Variants in TMEM150A observed in about 807,000 individuals in gnomAD.
TMEM150A encodes the protein fasting-inducible integral membrane protein TM6P1.
In TMEM150A, 18 loss-of-function variants were observed where a neutral mutation model predicts 29.8. The observed-to-expected ratio is 0.60, with a 90% CI of 0.42 to 0.90. The LOEUF is 0.90. Among genes scored for constraint, TMEM150A ranks in the 40% least tolerant of loss-of-function variants. The pLI is 0.00. For missense variants in TMEM150A, 251 were observed against 349.7 expected (o/e 0.72, Z 2.25); for synonymous variants, 127 against 143.6 (o/e 0.88, Z 0.83).
Position 85,601,483 on chromosome 2 carries a change from C to G in TMEM150A, c.66-1G>C. 1 of 1,612,458 alleles carries G rather than the reference C, an allele frequency of 6.2e-7. No individual in the cohort carries two copies. Among genetic ancestry groups the G allele is most frequent in the Non-Finnish European group, 8.5e-7 (1 of 1,179,774 alleles). Reference sequence around the variant, plus strand: ...GTGGTTCATCACAGCCATGGCATACCTGTGGGAACAGAACTGTCACCCTGG... The same window carrying G: ...GTGGTTCATCACAGCCATGGCATACGTGTGGGAACAGAACTGTCACCCTGG... On this transcript the variant is annotated splice_acceptor_variant, in intron 2 of 7. Coordinates refer to ENST00000334462, the MANE Select transcript of TMEM150A (RefSeq NM_001031738.3). LOFTEE classifies it high-confidence loss of function. The surrounding 1 kb of genome is among the most constrained non-coding windows in gnomAD (Gnocchi z 4.0).
Position 85,599,828 on chromosome 2 carries a change from C to G in TMEM150A, c.396+63G>C. The G allele has an allele frequency of 8.1e-6, 13 of 1,610,602 alleles. No individual in the cohort carries two copies. In the South Asian group the frequency reaches 1.3e-4, roughly 16 times the overall value. ...TTCCAGCCCCAACCTTGAGGTGCCA[C>G]ACTGCAGGCAGCCAGGCCTTGTTAG... On this transcript the variant is annotated intron_variant, in intron 6 of 7. Transcript: ENST00000334462. The surrounding 1 kb of genome is among the most constrained non-coding windows in gnomAD (Gnocchi z 6.0).
intron 4 of TMEM150A, chr2:85,600,749 A>G: frequency 9.1e-6 from 5 of 551,924 alleles, no homozygotes; most frequent in Non-Finnish European, 1.6e-5. Context: ...TCCGCTTATT[A>G]GCTGTGTGAC....
intron 4 of TMEM150A, 122 bp downstream of exon 4, chr2:85,600,899 T>G: frequency 3.7e-6 from 3 of 809,166 alleles, no homozygotes; most frequent in Non-Finnish European, 3.9e-6. Context: ...TGTCAAGTAG[T>G]GTTGTTATTA....
rs1189771550 is a variant in TMEM150A, at chr2:85,601,311, G to A, written c.113+124C>T. ...TAGGTGGCAAGAAGCCATGCCTGGGGACCAATTTCAGAGAAGAGCAGTGAG... is the reference window on the plus strand; with the variant it reads ...TAGGTGGCAAGAAGCCATGCCTGGGAACCAATTTCAGAGAAGAGCAGTGAG... On this transcript the variant is annotated intron_variant, in intron 3 of 7. Coordinates refer to ENST00000334462, the MANE Select transcript of TMEM150A (RefSeq NM_001031738.3). This position sits in a 1 kb window ranked among gnomAD's most constrained non-coding sequence, Gnocchi z 4.0. The A allele has an allele frequency of 3.0e-6, 4 of 1,348,808 alleles. No individual in the cohort carries two copies. The highest frequency in any genetic ancestry group is 4.3e-6 in the Non-Finnish European group (4 of 939,304). The allele number at this position is 1,348,808 out of a possible 1,614,324, so 83.6% of individuals were successfully genotyped here. A position where few individuals can be genotyped will look rare whatever the true frequency, so the allele number is the denominator to read the frequency against.
At chr2:85,600,075 CCTGTCAGCTTCCCCCAGA>C in intron 5 of TMEM150A, 57 bp from the exon 6 acceptor site, 1 of 1,598,504 alleles carries the variant, frequency 6.3e-7, no homozygotes, top group African/African-American at 1.3e-5. Context: ...GCCCAGCGAG[CCTGTCAGCTTCCCCCAGA>C]CGCTGTGGTG....
At position 85,600,273 on chromosome 2, in the gene TMEM150A, G is replaced by A; in HGVS notation, c.268+72C>T. On this transcript the variant is annotated intron_variant, in intron 5 of 7. Coordinates refer to ENST00000334462, the MANE Select transcript of TMEM150A (RefSeq NM_001031738.3). ...CTTGGTGGGGAGGGCTGCACAGAAG[G>A]GCTTCCTGGGCCTTTCTGTGTGGGG... is the stretch of plus-strand genomic sequence containing the variant. The A allele has an allele frequency of 1.9e-6, 3 of 1,564,646 alleles. No homozygotes were observed. The South Asian group carries it at 3.3e-5, about 17-fold the overall frequency.
At position 85,602,292 on chromosome 2, in the gene TMEM150A, T is replaced by C; in HGVS notation, c.-116-228A>G. The stretch of plus-strand genomic sequence containing the variant: ...GCGGACCGTAACATCTGGAAGGGAG[T>C]TACCCTCCTTCTGAGGGACCAGGGC... On this transcript the variant is annotated intron_variant, in intron 1 of 7. Transcript: ENST00000334462. This position sits in a 1 kb window ranked among gnomAD's most constrained non-coding sequence, Gnocchi z 5.6. The C allele has an allele frequency of 4.2e-6, 1 of 240,548 alleles. No homozygotes were observed. The highest frequency in any genetic ancestry group is 1.1e-4 in the East Asian group (1 of 9,174). 14.9% of individuals were successfully genotyped at this position (240,548 alleles called of 1,614,324 possible). A position where few individuals can be genotyped will look rare whatever the true frequency, so the allele number is the denominator to read the frequency against.
In TMEM150A at chr2:85,599,226, A is replaced by G. The variant is rs1378545152; in HGVS notation, c.666T>C (p.Tyr222=). 1.2e-6 allele frequency: 2 copies of G among 1,613,916 alleles called. No homozygotes were observed. Among genetic ancestry groups the G allele is most frequent in the Non-Finnish European group, 1.7e-6 (2 of 1,180,028 alleles). Residue 222 remains tyrosine, a synonymous_variant, in exon 8 of 8, where the codon TAT becomes TAC. Transcript: ENST00000334462. This position sits in a 1 kb window ranked among gnomAD's most constrained non-coding sequence, Gnocchi z 6.0. ...CCCCAAACTCGTAGCTGAAGGTGCC[A>G]TAGAAAATGAGGATATCGATGACAC... ...WVCVIDILIF[Y]GTFSYEFGAV...
In TMEM150A at chr2:85,601,186, G is replaced by T; in HGVS notation, c.114-79C>A. ...GGCCTATAGCCTCAGGCCTCAAAGAGGACTCTCTCCCAGACCTCCCCTACA... is the reference window on the plus strand; with the variant it reads ...GGCCTATAGCCTCAGGCCTCAAAGATGACTCTCTCCCAGACCTCCCCTACA... On this transcript the variant is annotated intron_variant, in intron 3 of 7. Transcript: ENST00000334462. This position sits in a 1 kb window ranked among gnomAD's most constrained non-coding sequence, Gnocchi z 4.0. 6.8e-7 allele frequency: 1 copy of T among 1,461,162 alleles called. No homozygotes were observed. The highest frequency in any genetic ancestry group is 1.2e-5 in the South Asian group (1 of 85,900). 90.5% of individuals were successfully genotyped at this position (1,461,162 alleles called of 1,614,324 possible). A position where few individuals can be genotyped will look rare whatever the true frequency, so the allele number is the denominator to read the frequency against.
rs1431790330 is a variant in TMEM150A at position 85,598,745 on chromosome 2, G to A, written c.*331C>T. 3 of 318,876 alleles carry A rather than the reference G, an allele frequency of 9.4e-6. No individual in the cohort carries two copies. In the East Asian group the frequency reaches 2.1e-4, roughly 22 times the overall value. The allele number at this position is 318,876 out of a possible 1,614,324, so 19.8% of individuals were successfully genotyped here. Reference sequence around the variant, plus strand: ...ACTTCTATCCCCTCTGCTGTTCCCAGCCCCCAATTCCTGCAGCAGGAAACC... The same window carrying A: ...ACTTCTATCCCCTCTGCTGTTCCCAACCCCCAATTCCTGCAGCAGGAAACC... On this transcript the variant is annotated 3_prime_UTR_variant, in exon 8 of 8. Transcript: ENST00000334462.
chr2:85,599,006 T>C lies in TMEM150A; in HGVS notation c.*70A>G, dbSNP rs2104075655. ...AATACTTTCTCAAAATTGTTTTTGG[T>C]ACGAAATAAATGGAAAGAAGATATG... On this transcript the variant is annotated 3_prime_UTR_variant, in exon 8 of 8. Coordinates refer to ENST00000334462, the MANE Select transcript of TMEM150A (RefSeq NM_001031738.3). The surrounding 1 kb of genome is among the most constrained non-coding windows in gnomAD (Gnocchi z 6.0). 6.4e-7 allele frequency: 1 copy of C among 1,568,364 alleles called. No homozygotes were observed. Among genetic ancestry groups the C allele is most frequent in the Non-Finnish European group, 8.7e-7 (1 of 1,155,504 alleles).
rs887634026 is a variant in TMEM150A, at chr2:85,599,919, G to A, written c.368C>T (p.Ala123Val). Residue 123 changes from alanine to valine, a missense_variant, in exon 6 of 8, where the codon GCG becomes GTG. By Grantham distance (64) the Ala-to-Val change is moderately conservative. Coordinates refer to ENST00000334462, the MANE Select transcript of TMEM150A (RefSeq NM_001031738.3). The surrounding 1 kb of genome is among the most constrained non-coding windows in gnomAD (Gnocchi z 6.0). The stretch of plus-strand genomic sequence containing the variant: ...AAAGTTGCCAACCACCAAGAGGCCC[G>A]CAGCGTTGGTGCAGCCTGTGATGAG... ...TALITGCTNA[A>V]GLLVVGNFQV... 3.7e-6 allele frequency: 6 copies of A among 1,613,348 alleles called. No homozygotes were observed. The Admixed American group carries it at 5.0e-5, about 13-fold the overall frequency.
rs547195162 is a variant in TMEM150A, at chr2:85,600,747, T to C, written c.200+274A>G. 1.3e-5 allele frequency: 7 copies of C among 552,086 alleles called. 1 individual carries two copies. In the South Asian group the frequency reaches 1.6e-4, roughly 13 times the overall value. The allele number at this position is 552,086 out of a possible 1,614,324, so 34.2% of individuals were successfully genotyped here. The stretch of plus-strand genomic sequence containing the variant: ...GCTTAAATCCAGGTGCCTCCGCTTA[T>C]TAGCTGTGTGACCTGGATGAGGAAG... On this transcript the variant is annotated intron_variant, in intron 4 of 7. Coordinates refer to ENST00000334462, the MANE Select transcript of TMEM150A (RefSeq NM_001031738.3).
In TMEM150A at chr2:85,601,933, G is replaced by T. The variant is rs977232949; in HGVS notation, c.16C>A (p.Leu6Ile). ...AACGCTGACAGGCTGACAGGCAGGAGGATCCAGGCGGTCATGAGGGAGGGG... is the reference window on the plus strand; with the variant it reads ...AACGCTGACAGGCTGACAGGCAGGATGATCCAGGCGGTCATGAGGGAGGGG... MTAWI[L>I]LPVSLSAFSI... The change falls in exon 2 of 8, where the codon CTC becomes ATC. Residue 6 changes from leucine (L) to isoleucine (I), a missense_variant. Transcript: ENST00000334462. The surrounding 1 kb of genome is among the most constrained non-coding windows in gnomAD (Gnocchi z 4.0). The T allele has an allele frequency of 3.7e-6, 6 of 1,613,996 alleles. No individual in the cohort carries two copies. Among genetic ancestry groups the T allele is most frequent in the Non-Finnish European group, 8.5e-7 (1 of 1,179,986 alleles).
chr2:85,600,246 C>T, intron 5 of TMEM150A, 99 bp downstream of exon 5: 1 of 1,457,996 alleles, frequency 6.9e-7, no homozygotes, highest in Non-Finnish European at 9.5e-7. Context: ...ATTGCCTTAG[C>T]CCTTGGTGGG....
At position 85,598,721 on chromosome 2, in the gene TMEM150A, C is replaced by T. The variant is rs1672757944; in HGVS notation, c.*355G>A. ...GCGTGCCCACTCCACCTCCACCAGA[C>T]TTCTATCCCCTCTGCTGTTCCCAGC... On this transcript the variant is annotated 3_prime_UTR_variant, in exon 8 of 8. Coordinates refer to ENST00000334462, the MANE Select transcript of TMEM150A (RefSeq NM_001031738.3). 1 of 280,948 alleles carries T rather than the reference C, an allele frequency of 3.6e-6. No individual in the cohort carries two copies. The highest frequency in any genetic ancestry group is 4.6e-5 in the Admixed American group (1 of 21,834). The allele number at this position is 280,948 out of a possible 1,614,324, so 17.4% of individuals were successfully genotyped here. A position where few individuals can be genotyped will look rare whatever the true frequency, so the allele number is the denominator to read the frequency against.
In TMEM150A at chr2:85,599,239, A is replaced by G. The variant is rs746891337; in HGVS notation, c.653T>C (p.Ile218Thr). ...GCTGAAGGTGCCATAGAAAATGAGG[A>G]TATCGATGACACACACCCACTCACA... ...ALCEWVCVID[I>T]LIFYGTFSYE... is the part of the protein sequence containing the mutation. The change falls in exon 8 of 8, where the codon ATC (isoleucine) becomes ACC (threonine). Residue 218 changes from isoleucine to threonine, a missense_variant. Transcript: ENST00000334462. This position sits in a 1 kb window ranked among gnomAD's most constrained non-coding sequence, Gnocchi z 6.0. 2 of 1,613,966 alleles carry G rather than the reference A, an allele frequency of 1.2e-6. No individual in the cohort carries two copies. Among genetic ancestry groups the G allele is most frequent in the Non-Finnish European group, 1.7e-6 (2 of 1,179,988 alleles).
At position 85,601,415 on chromosome 2, in the gene TMEM150A, G is replaced by T; in HGVS notation, c.113+20C>A. 3 of 1,613,754 alleles carry T rather than the reference G, an allele frequency of 1.9e-6. No individual in the cohort carries two copies. The highest frequency in any genetic ancestry group is 1.3e-5 in the African/African-American group (1 of 75,030). ...ATGAAGGAAGCTTTAGAGCAAGGTT[G>T]TCTGCAGAGTCCTTCATACCAGTTC... On this transcript the variant is annotated intron_variant, in intron 3 of 7. Coordinates refer to ENST00000334462, the MANE Select transcript of TMEM150A (RefSeq NM_001031738.3). The surrounding 1 kb of genome is among the most constrained non-coding windows in gnomAD (Gnocchi z 4.0).
At chr2:85,600,477 TC>T in intron 4 of TMEM150A, 65 bp from the exon 5 acceptor site, 1 of 1,195,748 alleles carries the variant, frequency 8.4e-7, no homozygotes, top group Non-Finnish European at 1.2e-6. Context: ...CCATTTTGGC[TC>T]ACTGGCTCTC....
Sources: gnomAD v4.1 joint callset for allele counts on GRCh38, gnomAD v4.1.1 for gene constraint, Gnocchi (gnomAD v3.1) non-coding constraint, MANE v1.5 for transcripts, NCBI Gene and HGNC (gene_info 2026-07-23, HGNC 2026-07-21) for gene names.